Variants in PSD3 observed in about 807,000 individuals in gnomAD.
PSD3 encodes pleckstrin and Sec7 domain containing 3.
A neutral mutation model predicts 105.5 loss-of-function variants in PSD3; 49 were observed. The ratio of observed to expected loss-of-function variants is 0.46; its 90% CI spans 0.37 to 0.59. PSD3 has a LOEUF of 0.59. Among genes scored for constraint, PSD3 ranks in the 20% least tolerant of loss-of-function variants. The pLI is 0.00. For missense variants in PSD3, 1,561 were observed against 1,263.8 expected (o/e 1.24, Z -3.57); for synonymous variants, 557 against 457.8 (o/e 1.22, Z -2.77).
intron 15 of PSD3, among the ~76,000 whole-genome samples, chr8:18,549,774 C>A (rs537930724): frequency 6.6e-6 from 1 of 152,338 alleles, no homozygotes; most frequent in African/African-American, 2.4e-5. Context: ...ATCTATATCA[C>A]CTGACATTCC....
At chr8:18,932,170 A>T (rs1366607403) in intron 2 of PSD3, among the ~76,000 whole-genome samples, 1 of 152,208 alleles carries the variant, frequency 6.6e-6, no homozygotes, top group Non-Finnish European at 1.5e-5. Context: ...TTTCCAGTAC[A>T]ACTCTATGAA....
chr8:18,872,778 A>G (rs1402851008), intron 2 of PSD3, 45 bp from the exon 3 acceptor site: 9 of 1,473,034 alleles, frequency 6.1e-6, no homozygotes, highest in Non-Finnish European at 8.2e-6. Context: ...GTAGAAAGAC[A>G]GGGCCCAGTA....
rs186946509 is a variant in PSD3, at chr8:18,961,481, G to A, written c.22-25339C>T. Among the ~76,000 whole-genome samples the A allele has an allele frequency of 3.6e-3, 543 of 152,258 alleles. 2 individuals are homozygous for A. Among genetic ancestry groups the A allele is most frequent in the Middle Eastern group, 6.8e-3 (2 of 292 alleles). On this transcript the variant is annotated intron_variant, in intron 1 of 15. Coordinates refer to ENST00000327040, the MANE Select transcript of PSD3 (RefSeq NM_015310.4). ...AGGCGGGCGGATCATCTAAGGTCAG[G>A]AGTTCAAGACCAGCCTGGCCAACAT... is the stretch of plus-strand genomic sequence containing the variant.
chr8:18,551,144 T>C (rs1335119600), intron 15 of PSD3, among the ~76,000 whole-genome samples: 2 of 152,136 alleles, frequency 1.3e-5, no homozygotes, highest in Non-Finnish European at 2.9e-5. Flanking sequence ...ACTGCTCCTG[T>C]GAAAGCAAAA....
At chr8:18,709,144 A>G (rs553539718) in intron 9 of PSD3, among the ~76,000 whole-genome samples, 1 of 152,254 alleles carries the variant, frequency 6.6e-6, no homozygotes, top group African/African-American at 2.4e-5. Flanking sequence ...TGTGGCTCCA[A>G]TTGGCCGTTT....
At chr8:18,799,590 A>G (rs1283844093) in intron 7 of PSD3, among the ~76,000 whole-genome samples, 1 of 152,208 alleles carries the variant, frequency 6.6e-6, no homozygotes, top group African/African-American at 2.4e-5. Flanking sequence ...ACAGTTTGGT[A>G]GTAGATATGT....
At chr8:18,737,527 T>A (rs1804244626) in intron 9 of PSD3, among the ~76,000 whole-genome samples, 3 of 152,122 alleles carry the variant, frequency 2.0e-5, no homozygotes. Context: ...GGTTTCAAAC[T>A]CTTGACCTCA....
At chr8:18,814,381 T>A (rs1020913611) in intron 4 of PSD3, among the ~76,000 whole-genome samples, 2 of 152,048 alleles carry the variant, frequency 1.3e-5, no homozygotes, top group Admixed American at 6.6e-5. Flanking sequence ...AGTCGGGGAG[T>A]CTGCATTTGC....
intron 9 of PSD3, among the ~76,000 whole-genome samples, chr8:18,725,608 A>C (rs764603729): frequency 5.3e-5 from 8 of 152,158 alleles, no homozygotes; most frequent in Non-Finnish European, 1.2e-4. Context: ...ACATGTCCCA[A>C]AGTAAAGGAC....
intron 1 of PSD3, among the ~76,000 whole-genome samples, chr8:18,938,722 T>G (rs1822324008): frequency 6.6e-6 from 1 of 151,696 alleles, no homozygotes; most frequent in Admixed American, 6.6e-5. Flanking sequence ...TCTAATGTAA[T>G]ACATGGAATA....
chr8:18,594,216 TTA>T lies in PSD3; in HGVS notation c.2481+6146_2481+6147del, dbSNP rs1246274390. Among the ~76,000 whole-genome samples, 15 of 5,428 alleles carry T rather than the reference TTA, an allele frequency of 2.8e-3. 1 individual carries two copies. Among genetic ancestry groups the T allele is most frequent in the African/African-American group, 5.2e-3 (15 of 2,874 alleles). The allele number at this position is 5,428 out of a possible 152,430, so 3.6% of individuals were successfully genotyped here. A position where few individuals can be genotyped will look rare whatever the true frequency, so the allele number is the denominator to read the frequency against. ...TATACATATTATATAATATATATTA[TTA>T]TATATATTATATAATATATATTATT... On this transcript the variant is annotated intron_variant, in intron 12 of 15. Transcript: ENST00000327040.
intron 4 of PSD3, among the ~76,000 whole-genome samples, chr8:18,861,204 G>GA (rs1816410460): frequency 6.6e-6 from 1 of 152,090 alleles, no homozygotes; most frequent in Non-Finnish European, 1.5e-5. Flanking sequence ...TCCATCCTGG[G>GA]CTCCCTGACA....
chr8:19,004,435 G>C (rs529245995), intron 1 of PSD3, among the ~76,000 whole-genome samples: 1 of 152,096 alleles, frequency 6.6e-6, no homozygotes, highest in African/African-American at 2.4e-5. Flanking sequence ...GCCCTCTGGT[G>C]CTCTGTTTAA....
intron 1 of PSD3, among the ~76,000 whole-genome samples, chr8:19,004,869 T>C (rs1185779913): frequency 1.3e-5 from 2 of 152,054 alleles, no homozygotes; most frequent in African/African-American, 2.4e-5. Flanking sequence ...AGCTGTCTCT[T>C]TGCCTGCTGC....
intron 11 of PSD3, among the ~76,000 whole-genome samples, chr8:18,602,907 G>C (rs551014875): frequency 6.6e-6 from 1 of 152,300 alleles, no homozygotes; most frequent in Admixed American, 6.5e-5. Context: ...AGGAGTTAAA[G>C]TGATTTCACA....
intron 2 of PSD3, among the ~76,000 whole-genome samples, chr8:18,904,131 G>A (rs1328291284): frequency 5.9e-5 from 9 of 152,144 alleles, no homozygotes; most frequent in Non-Finnish European, 1.2e-4. Flanking sequence ...TTTACTCATG[G>A]TACATGGCAA....
intron 1 of PSD3, among the ~76,000 whole-genome samples, chr8:18,946,112 T>C (rs1031499963): frequency 5.9e-5 from 9 of 152,260 alleles, no homozygotes; most frequent in Non-Finnish European, 1.2e-4. Flanking sequence ...TGTTCCTTTT[T>C]AGCACAGATC....
At position 18,535,532 on chromosome 8, in the gene PSD3, A is replaced by G. The variant is rs890616278; in HGVS notation, c.*211T>C. ...CTCCTCCTCACAGAAAAGGTGCATT[A>G]GCTATCAAGTTGCAAAAATCATCAA... On this transcript the variant is annotated 3_prime_UTR_variant, in exon 16 of 16. Transcript: ENST00000327040. 1.8e-6 allele frequency: 1 copy of G among 563,304 alleles called. No individual in the cohort carries two copies. The highest frequency in any genetic ancestry group is 2.3e-5 in the South Asian group (1 of 43,048). The allele number at this position is 563,304 out of a possible 1,614,324, so 34.9% of individuals were successfully genotyped here. A position where few individuals can be genotyped will look rare whatever the true frequency, so the allele number is the denominator to read the frequency against.
intron 2 of PSD3, among the ~76,000 whole-genome samples, chr8:18,883,465 C>G (rs7010136): frequency 1.3e-5 from 2 of 151,976 alleles, no homozygotes; most frequent in East Asian, 3.9e-4. Flanking sequence ...CTTGATTTTA[C>G]AGCTCATAGT....
Sources: gnomAD v4.1 joint callset for allele counts (sites outside exome capture counted in the v4.1 genomes callset) on GRCh38, gnomAD v4.1.1 for gene constraint, MANE v1.5 for transcripts, NCBI Gene and HGNC (gene_info 2026-07-23, HGNC 2026-07-21) for gene names.